The following CACNA1S variants were observed in gnomAD, a reference collection of about 807,000 sequenced individuals.
CACNA1S encodes calcium voltage-gated channel subunit alpha1 S.
CACNA1S carries 126 observed loss-of-function variants against 207.4 expected under a neutral mutation model. The observed-to-expected ratio is 0.61, with a 90% CI of 0.53 to 0.70. CACNA1S has a LOEUF of 0.70. CACNA1S is among the 30% of genes least tolerant of loss of function. CACNA1S has a pLI of 0.00. For missense variants in CACNA1S, 2,349 were observed against 2,422.8 expected, an observed-to-expected ratio of 0.97 and a Z score of 0.64; for synonymous variants, 960 against 932.7, an observed-to-expected ratio of 1.03 and a Z score of -0.53.
At position 201,053,369 on chromosome 1, in the gene CACNA1S, C is replaced by A; in HGVS notation, c.3795+90G>T. ...TTAGCTCCCCAGGGCTCTGCCTTGC[C>A]CAGGGCTCCCCTGGGGCCCACCCTG... On this transcript the variant is annotated intron_variant, in intron 30 of 43. Transcript: ENST00000362061. The surrounding 1 kb of genome is among the most constrained non-coding windows in gnomAD (Gnocchi z 5.1). 6.2e-7 allele frequency: 1 copy of A among 1,611,844 alleles called. No individual in the cohort carries two copies. Among genetic ancestry groups the A allele is most frequent in the Non-Finnish European group, 8.5e-7 (1 of 1,178,248 alleles).
intron 39 of CACNA1S, 128 bp from the exon 40 acceptor site, chr1:201,043,659 G>C (rs1660373635): frequency 2.4e-6 from 2 of 840,866 alleles, no homozygotes; most frequent in Non-Finnish European, 1.9e-6. Flanking sequence ...GGCCAAAGGA[G>C]GATGGACTGA....
chr1:201,069,630 G>A (rs1274664629), intron 17 of CACNA1S, 29 bp from the exon 18 acceptor site: 2 of 1,550,314 alleles, frequency 1.3e-6, no homozygotes, highest in East Asian at 2.4e-5. Flanking sequence ...GAGGGCAGGG[G>A]AGCTGTGAGC....
chr1:201,087,669 C>T (rs568737079), intron 7 of CACNA1S, among the ~76,000 whole-genome samples, 157 bp downstream of exon 7: 1 of 152,150 alleles, frequency 6.6e-6, no homozygotes, highest in African/African-American at 2.4e-5. Context: ...CAGCCCCCTG[C>T]CCTGCTCCAC....
intron 28 of CACNA1S, among the ~76,000 whole-genome samples, chr1:201,055,912 T>G (rs1317976910): frequency 6.6e-6 from 1 of 152,220 alleles, no homozygotes; most frequent in Non-Finnish European, 1.5e-5. Context: ...ATTTTTAGTT[T>G]GGGCTGTTTA....
intron 40 of CACNA1S, 169 bp from the exon 41 acceptor site, chr1:201,041,758 C>T (rs1660230927): frequency 1.5e-6 from 1 of 687,770 alleles, no homozygotes; most frequent in South Asian, 1.5e-5. Context: ...CCAGCCAGCC[C>T]TGACTCTCTA....
At chr1:201,108,294 A>G (rs1027309969) in intron 2 of CACNA1S, among the ~76,000 whole-genome samples, 4 of 151,970 alleles carry the variant, frequency 2.6e-5, no homozygotes, top group East Asian at 1.9e-4. Context: ...TAGAGACGGG[A>G]GTCTCTCTAT....
In CACNA1S at chr1:201,040,364, A is replaced by G. The variant is rs1187716461; in HGVS notation, c.5237T>C (p.Val1746Ala). ...TCTGTCCTCAGGCATGGAGGACTCC[A>G]CCCTGGGGCACTGTTCCAAAGGTAC... is the stretch of plus-strand genomic sequence containing the variant. ...APPAPCQCPR[V>A]ESSMPEDRKS... The change falls in exon 43 of 44, where the codon GTG becomes GCG. Residue 1746 changes from valine (V) to alanine (A), a missense_variant. Transcript: ENST00000362061. 7 of 1,613,218 alleles carry G rather than the reference A, an allele frequency of 4.3e-6. No individual in the cohort carries two copies. The highest frequency in any genetic ancestry group is 1.3e-5 in the African/African-American group (1 of 74,896).
chr1:201,076,464 T>C lies in CACNA1S; in HGVS notation c.1827+456A>G, dbSNP rs1203841745. Reference sequence around the variant, plus strand: ...AAAGCTTCTCACTGGGCCACAGCCATGCTCCCTTGGGTGGCTGATAGTGAA... The same window carrying C: ...AAAGCTTCTCACTGGGCCACAGCCACGCTCCCTTGGGTGGCTGATAGTGAA... On this transcript the variant is annotated intron_variant, in intron 12 of 43. Coordinates refer to ENST00000362061, the MANE Select transcript of CACNA1S (RefSeq NM_000069.3). 5.3e-5 allele frequency among the ~76,000 whole-genome samples: 8 copies of C among 152,368 alleles called. No homozygotes were observed. The East Asian group carries it at 1.2e-3, about 22-fold the overall frequency.
intron 2 of CACNA1S, among the ~76,000 whole-genome samples, chr1:201,097,086 C>T (rs1163008028): frequency 1.3e-5 from 2 of 152,116 alleles, no homozygotes; most frequent in Non-Finnish European, 2.9e-5. Context: ...TTGCTCTCCC[C>T]GGGTCCCAGT....
rs576816745 is a variant in CACNA1S at position 201,101,144 on chromosome 1, T to C, written c.259-7123A>G. On this transcript the variant is annotated intron_variant, in intron 2 of 43. Coordinates refer to ENST00000362061, the MANE Select transcript of CACNA1S (RefSeq NM_000069.3). ...AAATTTCTCCACAAAGCCAGATAAG[T>C]TTTCCTCTCTAGTGAGAAATGGGCT... is the stretch of plus-strand genomic sequence containing the variant. Among the ~76,000 whole-genome samples, 5 of 152,306 alleles carry C rather than the reference T, an allele frequency of 3.3e-5. No homozygotes were observed. The South Asian group carries it at 1.0e-3, about 32-fold the overall frequency.
chr1:201,052,535 G>A (rs1660689686), intron 32 of CACNA1S, 22 bp downstream of exon 32: 2 of 1,575,782 alleles, frequency 1.3e-6, no homozygotes, highest in South Asian at 1.1e-5. Context: ...GGGTAGGGGT[G>A]GGGGTGGCGG....
In CACNA1S at chr1:201,047,144, G is replaced by T; in HGVS notation, c.4639C>A (p.Arg1547=). 6.2e-7 allele frequency: 1 copy of T among 1,614,194 alleles called. No individual in the cohort carries two copies. Among genetic ancestry groups the T allele is most frequent in the Non-Finnish European group, 8.5e-7 (1 of 1,180,046 alleles). ...ATCTGTACAATGTCCTTCTTGGGCC[G>T]ATAGCCATAATACTCCTCTTGGCGT... ...MKRQEEYYGY[R]PKKDIVQIQA... Residue 1547 remains arginine, a synonymous_variant, in exon 38 of 44, where the codon CGG becomes AGG. Coordinates refer to ENST00000362061, the MANE Select transcript of CACNA1S (RefSeq NM_000069.3).
Position 201,110,227 on chromosome 1 carries a change from A to G in CACNA1S, c.195T>C (p.Cys65=). The stretch of plus-strand genomic sequence containing the variant: ...TGGGCAGGTACACGGCCAGGGCCAC[A>G]CAATTGGCAAAGATGGTGAGCAAGA... ...TIILLTIFAN[C]VALAVYLPMP... The change falls in exon 2 of 44, where the codon TGT becomes TGC. Residue 65 remains cysteine (C), a synonymous_variant. Coordinates refer to ENST00000362061, the MANE Select transcript of CACNA1S (RefSeq NM_000069.3). The G allele has an allele frequency of 6.2e-7, 1 of 1,614,182 alleles. No homozygotes were observed. Among genetic ancestry groups the G allele is most frequent in the Non-Finnish European group, 8.5e-7 (1 of 1,180,008 alleles).
rs1407196607 is a variant in CACNA1S, at chr1:201,074,500, A to C, written c.2063+6T>G. 1 of 1,580,506 alleles carries C rather than the reference A, an allele frequency of 6.3e-7. No individual in the cohort carries two copies. Among genetic ancestry groups the C allele is most frequent in the African/African-American group, 1.3e-5 (1 of 74,192 alleles). ...CCAGGTCCCTTCCTGCTAAGGAAGC[A>C]CTCACTTGGACATCTTCCTGCGTTT... On this transcript the variant is annotated splice_donor_region_variant and intron_variant, in intron 14 of 43. Coordinates refer to ENST00000362061, the MANE Select transcript of CACNA1S (RefSeq NM_000069.3).
At position 201,062,071 on chromosome 1, in the gene CACNA1S, T is replaced by C. The variant is rs764838436; in HGVS notation, c.2926A>G (p.Lys976Glu). The C allele has an allele frequency of 1.2e-6, 2 of 1,614,012 alleles. No individual in the cohort carries two copies. The highest frequency in any genetic ancestry group is 1.7e-5 in the Admixed American group (1 of 60,006). ...TCTATCTGCATGGGGTCCCCGTCCT[T>C]GTACACGTAGTAGTAGCCCCTGTGG... ...EECRGYYYVY[K>E]DGDPMQIELR... The change falls in exon 24 of 44, where the codon AAG becomes GAG. Residue 976 changes from lysine (K) to glutamate (E), a missense_variant. Physicochemically the swap from Lys to Glu is moderately conservative, Grantham distance 56. Coordinates refer to ENST00000362061, the MANE Select transcript of CACNA1S (RefSeq NM_000069.3).
chr1:201,050,374 A>G lies in CACNA1S; in HGVS notation c.4241+15T>C, dbSNP rs1375287320. ...GGATGGAGGGCCCAGCACAGAGCCT[A>G]CAGATTGGACTCACTTAGCCTCTGG... On this transcript the variant is annotated intron_variant, in intron 34 of 43. Transcript: ENST00000362061. 1 of 1,613,890 alleles carries G rather than the reference A, an allele frequency of 6.2e-7. No homozygotes were observed. The highest frequency in any genetic ancestry group is 8.5e-7 in the Non-Finnish European group (1 of 1,179,838).
chr1:201,102,875 C>G (rs1175943090), intron 2 of CACNA1S, among the ~76,000 whole-genome samples: 1 of 152,174 alleles, frequency 6.6e-6, no homozygotes, highest in Non-Finnish European at 1.5e-5. Flanking sequence ...CCAGGTCTGT[C>G]TTTGCCCCCC....
chr1:201,067,088 C>T, intron 19 of CACNA1S, 95 bp from the exon 20 acceptor site: 3 of 789,752 alleles, frequency 3.8e-6, no homozygotes, highest in Non-Finnish European at 6.7e-6. Flanking sequence ...CAGGAGAGCA[C>T]TTACTGAGGC....
In CACNA1S at chr1:201,085,446, GTCC is replaced by G; in HGVS notation, c.1137_1139del (p.Glu379del). 1 of 1,613,778 alleles carries G rather than the reference GTCC, an allele frequency of 6.2e-7. No homozygotes were observed. Among genetic ancestry groups the G allele is most frequent in the South Asian group, 1.1e-5 (1 of 91,046 alleles). On this transcript the variant is annotated inframe_deletion, in exon 8 of 44. Coordinates refer to ENST00000362061, the MANE Select transcript of CACNA1S (RefSeq NM_000069.3). ...CCTTTGGGCCCAAACCTTCTCTGAAGTCCTCAACATCCATGACCTCGCCCTGCG... is the reference window on the plus strand; with the variant it reads ...CCTTTGGGCCCAAACCTTCTCTGAAGTCAACATCCATGACCTCGCCCTGCG...
Sources: gnomAD v4.1 joint callset for allele counts (sites outside exome capture counted in the v4.1 genomes callset) on GRCh38, gnomAD v4.1.1 for gene constraint, Gnocchi (gnomAD v3.1) non-coding constraint, MANE v1.5 for transcripts, NCBI Gene and HGNC (gene_info 2026-07-23, HGNC 2026-07-21) for gene names.